The following LRRC37A variants were observed in gnomAD, a reference collection of about 807,000 sequenced individuals.
The protein encoded by LRRC37A is leucine rich repeat containing 37A.
In LRRC37A, 3 loss-of-function variants were observed where a neutral mutation model predicts 35.4. That is an observed-to-expected ratio of 0.08 (90% CI 0.04 to 0.22). LRRC37A has a LOEUF of 0.22. Ranked by LOEUF, LRRC37A falls within the 10% of genes least tolerant of loss-of-function variation. The probability of loss-of-function intolerance (pLI) is 1.00; values close to 1 mark genes in which losing one functional copy is unlikely to be tolerated. For synonymous variants in LRRC37A, 23 were observed against 215.0 expected (o/e 0.11, Z 7.81); for missense variants, 67 against 565.3 (o/e 0.12, Z 8.94).
At chr17:46,265,718 T>G in the LRRC37A span, among the ~76,000 whole-genome samples, 19,385 of 151,828 alleles carry the variant, frequency 0.13, no homozygotes, top group Middle Eastern at 0.2. Context: ...GCTCAAGAGA[T>G]CCTCCTGTCT....
the LRRC37A span, among the ~76,000 whole-genome samples, chr17:46,281,061 C>T: frequency 1.3e-5 from 2 of 152,068 alleles, no homozygotes; most frequent in East Asian, 1.9e-4. Flanking sequence ...AATGTTGTAG[C>T]GGAAAAATCT....
At chr17:46,300,226 A>C (rs1468608085) in intron 2 of LRRC37A, among the ~76,000 whole-genome samples, 1 of 26,826 alleles carries the variant, frequency 3.7e-5, no homozygotes, top group African/African-American at 7.6e-5. Context: ...TGATCCTCTC[A>C]CCTCAGCCTC....
At chr17:46,262,411 C>T in the LRRC37A span, among the ~76,000 whole-genome samples, 1 of 151,212 alleles carries the variant, frequency 6.6e-6, no homozygotes, top group Non-Finnish European at 1.5e-5. Context: ...TGGGATTTTG[C>T]CATGTTGCTT....
At chr17:46,298,682 C>T (rs2050238571) in intron 1 of LRRC37A, among the ~76,000 whole-genome samples, 1 of 100,766 alleles carries the variant, frequency 9.9e-6, no homozygotes, top group African/African-American at 3.1e-5. Flanking sequence ...CGAGATTGCA[C>T]CACTGCACTC....
the LRRC37A span, among the ~76,000 whole-genome samples, chr17:46,257,862 CA>C: frequency 2.0e-5 from 3 of 151,702 alleles, no homozygotes; most frequent in African/African-American, 7.3e-5. Context: ...CAGCTTAAAA[CA>C]AAAAACATTT....
the LRRC37A span, among the ~76,000 whole-genome samples, chr17:46,264,757 G>A: frequency 1.2e-4 from 18 of 152,060 alleles, no homozygotes; most frequent in South Asian, 1.7e-3. Context: ...ACCCCAGGAG[G>A]CTCTGGGAGC....
upstream of LRRC37A, chr17:46,292,789 G>A (rs1340226632): frequency 1.3e-5 from 1 of 79,024 alleles, no homozygotes; most frequent in Non-Finnish European, 3.8e-5. Flanking sequence ...TATCTCCCAC[G>A]TATCTTGGGT....
the LRRC37A span, among the ~76,000 whole-genome samples, chr17:46,262,206 TC>T: frequency 6.6e-6 from 1 of 152,214 alleles, no homozygotes; most frequent in Non-Finnish European, 1.5e-5. Flanking sequence ...CACCTTGGCC[TC>T]CCAAAGTGCT....
chr17:46,258,937 C>G, the LRRC37A span, among the ~76,000 whole-genome samples: 1 of 148,350 alleles, frequency 6.7e-6, no homozygotes, highest in Non-Finnish European at 1.5e-5. Context: ...CCTGGATGGT[C>G]TCGATCTCCT....
At chr17:46,259,727 G>A in the LRRC37A span, 1 of 1,582,226 alleles carries the variant, frequency 6.3e-7, no homozygotes, top group Non-Finnish European at 8.6e-7. Context: ...GGATGCCCAG[G>A]AATCACCACC....
the LRRC37A span, among the ~76,000 whole-genome samples, chr17:46,257,744 C>A: frequency 1.3e-5 from 2 of 151,210 alleles, no homozygotes; most frequent in Admixed American, 1.3e-4. Flanking sequence ...ATCCCTTGAG[C>A]CTTGGAGGTT....
chr17:46,284,358 A>G, the LRRC37A span, among the ~76,000 whole-genome samples: 1 of 152,258 alleles, frequency 6.6e-6, no homozygotes, highest in African/African-American at 2.4e-5. Context: ...GCTGCCTTCA[A>G]GCATCTGTTT....
chr17:46,269,350 A>C, the LRRC37A span, among the ~76,000 whole-genome samples: 1 of 152,224 alleles, frequency 6.6e-6, no homozygotes, highest in African/African-American at 2.4e-5. Context: ...GCTGACCAAC[A>C]TGGAAAAACC....
chr17:46,286,266 A>C, the LRRC37A span, among the ~76,000 whole-genome samples: 17,990 of 152,222 alleles, frequency 0.12, no homozygotes, highest in Non-Finnish European at 0.18. Context: ...TTTGATGTTA[A>C]GAACAAGCAG....
chr17:46,249,795 C>A, the LRRC37A span, among the ~76,000 whole-genome samples: 2 of 152,322 alleles, frequency 1.3e-5, no homozygotes, highest in African/African-American at 4.8e-5. Context: ...GCTGTCACTG[C>A]AGTCAGCGCC....
the LRRC37A span, among the ~76,000 whole-genome samples, chr17:46,278,404 T>A: frequency 2.8e-5 from 4 of 140,960 alleles, no homozygotes; most frequent in Non-Finnish European, 6.3e-5. Flanking sequence ...TTATTTTGTT[T>A]TTTTTTTGTT....
the LRRC37A span, among the ~76,000 whole-genome samples, chr17:46,257,666 A>C: frequency 6.8e-6 from 1 of 147,562 alleles, no homozygotes; most frequent in Non-Finnish European, 1.5e-5. Flanking sequence ...AAAAAAAAAA[A>C]AACACCAAAG....
At chr17:46,287,934 G>C (rs2049962607), upstream of LRRC37A, among the ~76,000 whole-genome samples, 1 of 152,316 alleles carries the variant, frequency 6.6e-6, no homozygotes. Flanking sequence ...GTGTTGATAG[G>C]CACAGTGTAG....
At chr17:46,304,828 G>C (rs1353723566) in intron 3 of LRRC37A, among the ~76,000 whole-genome samples, 3 of 58,554 alleles carry the variant, frequency 5.1e-5, no homozygotes, top group African/African-American at 1.2e-4. Context: ...TAGGAAAACA[G>C]ACCTAAACTA....
Sources: allele counts gnomAD v4.1 joint callset (sites outside exome capture counted in the v4.1 genomes callset), GRCh38; gene constraint gnomAD v4.1.1; transcripts MANE v1.5; gene names NCBI Gene and HGNC (gene_info 2026-07-23, HGNC 2026-07-21).